The following KRAS variants were observed in gnomAD, a reference collection of about 807,000 sequenced individuals.
KRAS encodes KRas proto-oncogene, GTPase, also known as GTPase KRas.
KRAS carries 1 observed loss-of-function variant against 21.0 expected under a neutral mutation model. That is an observed-to-expected ratio of 0.05 (90% confidence interval 0.02 to 0.23). The LOEUF is 0.23. Among genes scored for constraint, KRAS ranks in the 10% least tolerant of loss-of-function variants. KRAS has a pLI of 1.00. For synonymous variants in KRAS, 67 were observed against 72.5 expected (o/e 0.92, Z 0.39); for missense variants, 107 against 221.8 (o/e 0.48, Z 3.29).
At position 25,245,668 on chromosome 12, in the gene KRAS, T is replaced by C. The variant is rs12305108; in HGVS notation, c.-11-273A>G. ...ACAGTTCTTTTATCTTAAAATCAAG[T>C]TGTTCTATCTAAATAGCCAGACTGC... On this transcript the variant is annotated intron_variant, in intron 1 of 4. Coordinates refer to ENST00000311936, the MANE Select transcript of KRAS (RefSeq NM_004985.5). 0.027 allele frequency among the ~76,000 whole-genome samples: 4,174 copies of C among 152,262 alleles called. 193 individuals carry two copies. Among genetic ancestry groups the C allele is most frequent in the African/African-American group, 0.091 (3,764 of 41,528 alleles).
rs1479136500 is a variant in KRAS at position 25,234,151 on chromosome 12, GAAT to G, written c.112-6742_112-6740del. ...ATTTTTAAATTACAATATATATTAA[GAAT>G]AATTTAATAAATTTTACCTTCAATT... On this transcript the variant is annotated intron_variant, in intron 2 of 4. Coordinates refer to ENST00000311936, the MANE Select transcript of KRAS (RefSeq NM_004985.5). The G allele has an allele frequency of 6.5e-4, 110 of 169,362 alleles. 1 individual carries two copies. The highest frequency in any genetic ancestry group is 2.4e-3 in the African/African-American group (100 of 42,012). 10.5% of individuals were successfully genotyped at this position (169,362 alleles called of 1,614,324 possible).
chr12:25,213,310 C>A (rs968698260), intron 4 of KRAS, among the ~76,000 whole-genome samples: 5 of 152,172 alleles, frequency 3.3e-5, no homozygotes, highest in African/African-American at 1.2e-4. Flanking sequence ...TTACTCTAAA[C>A]AATTCTATTT....
chr12:25,245,396 C>T lies in KRAS; in HGVS notation c.-11-1G>A. On this transcript the variant is annotated splice_acceptor_variant, in intron 1 of 4. Transcript: ENST00000311936. LOFTEE classifies it low-confidence loss of function (5UTR_SPLICE). ...TTATATTCAGTCATTTTCAGCAGGCCTTATAATAAAAATAATGAAAATGTG... is the reference window on the plus strand; with the variant it reads ...TTATATTCAGTCATTTTCAGCAGGCTTTATAATAAAAATAATGAAAATGTG... 6.2e-7 allele frequency: 1 copy of T among 1,600,894 alleles called. No individual in the cohort carries two copies. Among genetic ancestry groups the T allele is most frequent in the African/African-American group, 1.3e-5 (1 of 74,618 alleles).
intron 2 of KRAS, among the ~76,000 whole-genome samples, chr12:25,235,599 T>C (rs1284707846): frequency 1.3e-5 from 2 of 152,162 alleles, no homozygotes; most frequent in African/African-American, 2.4e-5. Context: ...TGTAACACCA[T>C]ATGCAAGACG....
At chr12:25,224,791 A>T (rs547435606) in intron 4 of KRAS, among the ~76,000 whole-genome samples, 1 of 152,252 alleles carries the variant, frequency 6.6e-6, no homozygotes, top group South Asian at 2.1e-4. Context: ...TATACTACCA[A>T]GGTTTGTGTA....
At chr12:25,218,703 C>T (rs1185037170) in intron 4 of KRAS, among the ~76,000 whole-genome samples, 1 of 152,168 alleles carries the variant, frequency 6.6e-6, no homozygotes, top group Non-Finnish European at 1.5e-5. Context: ...ACCACTGGCA[C>T]TGGCTCTTAT....
At position 25,250,891 on chromosome 12, in the gene KRAS, G is replaced by A. The variant is rs942526926; in HGVS notation, c.-152C>T. On this transcript the variant is annotated 5_prime_UTR_variant, in exon 1 of 5. Transcript: ENST00000311936. ...CGCCACCTTCGCCGCCGCCACTGCC[G>A]CCGCCGCTGCTGCCTCCGCCGCCGC... is the stretch of plus-strand genomic sequence containing the variant. The A allele has an allele frequency of 8.1e-6, 2 of 247,626 alleles. No individual in the cohort carries two copies. The highest frequency in any genetic ancestry group is 2.3e-5 in the African/African-American group (1 of 44,334). 15.3% of individuals were successfully genotyped at this position (247,626 alleles called of 1,614,324 possible). A position where few individuals can be genotyped will look rare whatever the true frequency, so the allele number is the denominator to read the frequency against.
In KRAS at chr12:25,209,236, C is replaced by A; in HGVS notation, c.*559G>T. 1 of 683,096 alleles carries A rather than the reference C, an allele frequency of 1.5e-6. No homozygotes were observed. Among genetic ancestry groups the A allele is most frequent in the South Asian group, 1.6e-5 (1 of 62,890 alleles). 42.3% of individuals were successfully genotyped at this position (683,096 alleles called of 1,614,324 possible). A position where few individuals can be genotyped will look rare whatever the true frequency, so the allele number is the denominator to read the frequency against. On this transcript the variant is annotated 3_prime_UTR_variant, in exon 5 of 5. Transcript: ENST00000311936. ...TGGGGAGAGTGACCATGACTAATAG[C>A]AGTGGAAAGGAGACAAAACCTTTGT... is the stretch of plus-strand genomic sequence containing the variant.
At chr12:25,218,353 A>G (rs1002597300) in intron 4 of KRAS, among the ~76,000 whole-genome samples, 2 of 152,226 alleles carry the variant, frequency 1.3e-5, no homozygotes, top group Non-Finnish European at 2.9e-5. Flanking sequence ...TCTAAAATCA[A>G]TATGAATGTG....
intron 2 of KRAS, among the ~76,000 whole-genome samples, chr12:25,229,024 A>G (rs1951431320): frequency 6.6e-6 from 1 of 152,138 alleles, no homozygotes; most frequent in Admixed American, 6.5e-5. Context: ...GCTCCACTGC[A>G]CTCCAGCCTG....
In KRAS at chr12:25,228,086, A is replaced by G. The variant is rs61762364; in HGVS notation, c.112-674T>C. 1.8e-3 allele frequency among the ~76,000 whole-genome samples: 268 copies of G among 152,148 alleles called. 1 individual carries two copies. The highest frequency in any genetic ancestry group is 6.1e-3 in the African/African-American group (254 of 41,520). On this transcript the variant is annotated intron_variant, in intron 2 of 4. Coordinates refer to ENST00000311936, the MANE Select transcript of KRAS (RefSeq NM_004985.5). ...TTAATCCAAAAATCTGAAATCCAAAATGCTCCAAAACCTGTAACTTTTAGA... is the reference window on the plus strand; with the variant it reads ...TTAATCCAAAAATCTGAAATCCAAAGTGCTCCAAAACCTGTAACTTTTAGA...
At chr12:25,222,049 T>C (rs745368845) in intron 4 of KRAS, among the ~76,000 whole-genome samples, 11 of 151,366 alleles carry the variant, frequency 7.3e-5, no homozygotes, top group Non-Finnish European at 1.2e-4. Flanking sequence ...CTTGGGAGGC[T>C]GAGGCAGAAG....
chr12:25,240,242 G>A (rs991949534), intron 2 of KRAS, among the ~76,000 whole-genome samples: 1 of 152,058 alleles, frequency 6.6e-6, no homozygotes, highest in African/African-American at 2.4e-5. Flanking sequence ...GTTAAGAGAC[G>A]CCAGAAATGT....
intron 2 of KRAS, chr12:25,235,233 GA>G: frequency 1.8e-6 from 1 of 562,352 alleles, no homozygotes; most frequent in Admixed American, 2.3e-5. Flanking sequence ...ACACCTGTAG[GA>G]AAAGATGAGA....
intron 4 of KRAS, chr12:25,210,809 G>A (rs1433013539): frequency 6.6e-6 from 1 of 152,052 alleles, no homozygotes. Flanking sequence ...AAATTTAATG[G>A]CTAAAAGCGA....
intron 2 of KRAS, among the ~76,000 whole-genome samples, chr12:25,238,111 C>T: frequency 6.6e-6 from 1 of 152,076 alleles, no homozygotes; most frequent in Non-Finnish European, 1.5e-5. Flanking sequence ...AAAACAAAGA[C>T]TTCTTTACTA....
chr12:25,229,389 CTG>C (rs912367935), intron 2 of KRAS, among the ~76,000 whole-genome samples: 13 of 152,122 alleles, frequency 8.5e-5, no homozygotes, highest in African/African-American at 3.1e-4. Flanking sequence ...CTTCTGAAAA[CTG>C]TGGAAAAATA....
At chr12:25,229,419 A>G (rs999187723) in intron 2 of KRAS, among the ~76,000 whole-genome samples, 29 of 152,344 alleles carry the variant, frequency 1.9e-4, no homozygotes, top group African/African-American at 6.7e-4. Flanking sequence ...AGCCAGATGG[A>G]TATCTCTAAA....
intron 2 of KRAS, among the ~76,000 whole-genome samples, chr12:25,232,432 T>C (rs531074227): frequency 2.0e-5 from 3 of 152,264 alleles, no homozygotes; most frequent in East Asian, 3.9e-4. Flanking sequence ...ACAAATATTA[T>C]TTATTCTCTT....
Sources: gnomAD v4.1 joint callset for allele counts (sites outside exome capture counted in the v4.1 genomes callset) on GRCh38, gnomAD v4.1.1 for gene constraint, MANE v1.5 for transcripts, NCBI Gene and HGNC (gene_info 2026-07-23, HGNC 2026-07-21) for gene names.